AGBL4: variants seen among roughly 807,000 people sequenced by gnomAD.
AGBL4 encodes cytosolic carboxypeptidase 6.
Under a neutral mutation model 66.4 loss-of-function variants are expected in AGBL4, and 58 were observed. The observed-to-expected ratio is 0.87, with a 90% CI of 0.71 to 1.09. AGBL4 has a LOEUF of 1.09. Ranked by LOEUF, AGBL4 falls within the 50% of genes least tolerant of loss-of-function variation. The pLI is 0.00. For missense variants in AGBL4, 579 were observed against 631.0 expected, an observed-to-expected ratio of 0.92 and a Z score of 0.88; for synonymous variants, 234 against 222.9, an observed-to-expected ratio of 1.05 and a Z score of -0.44.
intron 11 of AGBL4, among the ~76,000 whole-genome samples, chr1:48,553,485 A>G (rs896385492): frequency 3.3e-5 from 5 of 152,176 alleles, no homozygotes; most frequent in African/African-American, 1.2e-4. Flanking sequence ...GAGTGGCTGC[A>G]CTTGCTTGGA....
chr1:49,285,406 C>G (rs1457021992), intron 3 of AGBL4, among the ~76,000 whole-genome samples: 1 of 151,868 alleles, frequency 6.6e-6, no homozygotes, highest in Non-Finnish European at 1.5e-5. Context: ...TAAATGCCCA[C>G]AAGAGAAAGC....
At chr1:48,550,439 T>C (rs1342396509) in intron 11 of AGBL4, among the ~76,000 whole-genome samples, 1 of 152,148 alleles carries the variant, frequency 6.6e-6, no homozygotes, top group Non-Finnish European at 1.5e-5. Flanking sequence ...CTCTTCAGTG[T>C]ATGTCAGATC....
chr1:49,422,891 G>C (rs559520413), intron 3 of AGBL4, among the ~76,000 whole-genome samples: 1 of 152,058 alleles, frequency 6.6e-6, no homozygotes, highest in African/African-American at 2.4e-5. Context: ...GGGCAATACC[G>C]TGTGCTCTCT....
chr1:48,958,331 T>C (rs1228446175), intron 5 of AGBL4, among the ~76,000 whole-genome samples: 1 of 152,236 alleles, frequency 6.6e-6, no homozygotes, highest in Non-Finnish European at 1.5e-5. Flanking sequence ...GGCTAACTTT[T>C]CAACAAATGT....
At chr1:49,117,397 T>C (rs1421978956) in intron 4 of AGBL4, among the ~76,000 whole-genome samples, 3 of 152,194 alleles carry the variant, frequency 2.0e-5, no homozygotes, top group Non-Finnish European at 4.4e-5. Context: ...AATTTTTGTA[T>C]AAGGTGTAAG....
At chr1:49,562,211 C>T (rs997078330) in intron 3 of AGBL4, among the ~76,000 whole-genome samples, 27 of 152,036 alleles carry the variant, frequency 1.8e-4, no homozygotes, top group African/African-American at 5.8e-4. Context: ...GATATTAGCC[C>T]TCTGTCAGAT....
At chr1:48,545,169 G>A (rs1240261377) in intron 11 of AGBL4, among the ~76,000 whole-genome samples, 1 of 152,206 alleles carries the variant, frequency 6.6e-6, no homozygotes, top group Admixed American at 6.5e-5. Flanking sequence ...AACTGTAGGA[G>A]GTAGCCTTGT....
At chr1:48,932,242 A>C (rs1382881467) in intron 5 of AGBL4, among the ~76,000 whole-genome samples, 2 of 151,886 alleles carry the variant, frequency 1.3e-5, no homozygotes, top group Non-Finnish European at 2.9e-5. Flanking sequence ...GTTTAATTAA[A>C]CCCTAGTAAT....
intron 11 of AGBL4, among the ~76,000 whole-genome samples, chr1:48,553,369 G>A (rs1425954520): frequency 6.6e-6 from 1 of 152,184 alleles, no homozygotes; most frequent in Non-Finnish European, 1.5e-5. Flanking sequence ...AAATGAGACT[G>A]AAGACCAAAG....
intron 3 of AGBL4, among the ~76,000 whole-genome samples, chr1:49,375,920 T>G (rs2148562936): frequency 6.6e-6 from 1 of 152,206 alleles, no homozygotes; most frequent in South Asian, 2.1e-4. Context: ...CCCATGCCCT[T>G]ACACTGTCCA....
At chr1:49,994,986 C>T (rs1660254950) in intron 1 of AGBL4, 2 of 373,924 alleles carry the variant, frequency 5.3e-6, no homozygotes, top group East Asian at 7.3e-5. Flanking sequence ...GCCCCGTGGG[C>T]ACTCTTGGTC....
chr1:49,832,937 G>C (rs1317628520), intron 2 of AGBL4, among the ~76,000 whole-genome samples: 2 of 152,006 alleles, frequency 1.3e-5, no homozygotes. Context: ...CTCCCATGTT[G>C]TAGGTTGCCT....
chr1:49,937,822 C>G (rs976464188), intron 1 of AGBL4, among the ~76,000 whole-genome samples: 1 of 152,102 alleles, frequency 6.6e-6, no homozygotes, highest in Non-Finnish European at 1.5e-5. Flanking sequence ...ACCAGAATGT[C>G]TGGGACACAT....
At chr1:48,687,176 G>A (rs901951806) in intron 6 of AGBL4, among the ~76,000 whole-genome samples, 3 of 152,174 alleles carry the variant, frequency 2.0e-5, no homozygotes, top group African/African-American at 4.8e-5. Flanking sequence ...AGACCAATGT[G>A]GAGAAGGTGA....
intron 5 of AGBL4, among the ~76,000 whole-genome samples, chr1:48,950,075 G>A (rs3121534): frequency 1 from 151,828 of 152,300 alleles, 75,680 homozygotes; most frequent in Middle Eastern, 1. Context: ...AACAATCTGG[G>A]AGTAATATTA....
intron 3 of AGBL4, among the ~76,000 whole-genome samples, chr1:49,553,087 AT>A (rs755320880): frequency 6.6e-6 from 1 of 152,236 alleles, no homozygotes; most frequent in Non-Finnish European, 1.5e-5. Context: ...AAAGAAAAAA[AT>A]ATATTCAAAA....
chr1:48,821,541 A>G (rs1050993077), intron 6 of AGBL4, among the ~76,000 whole-genome samples: 18 of 152,148 alleles, frequency 1.2e-4, no homozygotes, highest in Admixed American at 2.0e-4. Context: ...GAGCTAAACA[A>G]TGGACACATA....
chr1:49,179,838 A>G (rs1462717961), intron 4 of AGBL4, among the ~76,000 whole-genome samples: 2 of 152,188 alleles, frequency 1.3e-5, no homozygotes, highest in Non-Finnish European at 2.9e-5. Context: ...TTCTAACTCT[A>G]GCTCTGCCTC....
chr1:49,860,258 G>C (rs1646535754), intron 1 of AGBL4, among the ~76,000 whole-genome samples: 1 of 152,188 alleles, frequency 6.6e-6, no homozygotes, highest in African/African-American at 2.4e-5. Flanking sequence ...AAAAAACAGT[G>C]TGGGGTTGGA....
Sources: gnomAD v4.1 joint callset for allele counts (sites outside exome capture counted in the v4.1 genomes callset) on GRCh38, gnomAD v4.1.1 for gene constraint, MANE v1.5 for transcripts, NCBI Gene and HGNC (gene_info 2026-07-23, HGNC 2026-07-21) for gene names.